Variants in IFTAP observed in about 807,000 individuals in gnomAD.
IFTAP encodes intraflagellar transport associated protein.
IFTAP carries 19 observed loss-of-function variants against 19.4 expected under a neutral mutation model. The ratio of observed to expected loss-of-function variants is 0.98; its 90% CI spans 0.68 to 1.44. IFTAP has a LOEUF of 1.44. Among genes scored for constraint, IFTAP ranks in the 40% most tolerant of loss-of-function variants. The pLI is 0.00. For missense variants in IFTAP, 240 were observed against 253.6 expected, an observed-to-expected ratio of 0.95 and a Z score of 0.36; for synonymous variants, 85 against 83.5, an observed-to-expected ratio of 1.02 and a Z score of -0.10.
At chr11:36,595,930 G>A (rs1446321825) in intron 1 of IFTAP, among the ~76,000 whole-genome samples, 1 of 152,226 alleles carries the variant, frequency 6.6e-6, no homozygotes, top group Non-Finnish European at 1.5e-5. Context: ...AAACATATAT[G>A]ATGAGGGTGC....
At chr11:36,644,704 A>G (rs1853399954) in intron 4 of IFTAP, among the ~76,000 whole-genome samples, 1 of 152,032 alleles carries the variant, frequency 6.6e-6, no homozygotes, top group East Asian at 1.9e-4. Flanking sequence ...TTGCAGGGAC[A>G]TGGATGAAGC....
At chr11:36,652,225 C>T (rs1037385406) in intron 5 of IFTAP, among the ~76,000 whole-genome samples, 2 of 152,102 alleles carry the variant, frequency 1.3e-5, no homozygotes, top group East Asian at 1.9e-4. Context: ...TCTTTTATTT[C>T]GTTGAGCAGT....
chr11:36,609,938 T>C (rs913051740), intron 1 of IFTAP, 143 bp from the exon 2 acceptor site: 4 of 656,294 alleles, frequency 6.1e-6, no homozygotes, highest in Non-Finnish European at 5.1e-6. Flanking sequence ...AACTCTGGTC[T>C]CTTGAACTAG....
intron 1 of IFTAP, among the ~76,000 whole-genome samples, chr11:36,603,641 G>C (rs1851585880): frequency 6.6e-6 from 1 of 152,112 alleles, no homozygotes; most frequent in Non-Finnish European, 1.5e-5. Flanking sequence ...GTAAATTACA[G>C]CCAGGCACAG....
intron 5 of IFTAP, among the ~76,000 whole-genome samples, chr11:36,656,434 G>A (rs1340745713): frequency 6.6e-6 from 1 of 152,104 alleles, no homozygotes; most frequent in Non-Finnish European, 1.5e-5. Context: ...GCCAGGCCTG[G>A]TGGTATGCAC....
chr11:36,635,828 G>T (rs745725509), intron 3 of IFTAP, among the ~76,000 whole-genome samples: 2 of 152,096 alleles, frequency 1.3e-5, no homozygotes, highest in East Asian at 3.8e-4. Flanking sequence ...CCTGACTATG[G>T]TGCCTACAAA....
intron 2 of IFTAP, among the ~76,000 whole-genome samples, chr11:36,624,680 C>T (rs12421531): frequency 0.095 from 14,394 of 152,160 alleles, 831 homozygotes; most frequent in African/African-American, 0.15. Flanking sequence ...TAGCTAATTA[C>T]AGAGAAGTGA....
chr11:36,622,551 A>G (rs1215352460), intron 2 of IFTAP, among the ~76,000 whole-genome samples: 1 of 152,108 alleles, frequency 6.6e-6, no homozygotes, highest in East Asian at 1.9e-4. Context: ...GTACTAGTCC[A>G]GGCATATACT....
chr11:36,607,769 G>A (rs1236978816), intron 1 of IFTAP, among the ~76,000 whole-genome samples: 2 of 152,124 alleles, frequency 1.3e-5, no homozygotes, highest in East Asian at 1.9e-4. Flanking sequence ...TGCCTCCCAG[G>A]TTCAAGCGAT....
rs140692292 is a variant in IFTAP at position 36,631,726 on chromosome 11, A to G, written c.137-1558A>G. 7.7e-3 allele frequency among the ~76,000 whole-genome samples: 1,155 copies of G among 150,740 alleles called. 84 individuals carry two copies. The highest frequency in any genetic ancestry group is 0.027 in the African/African-American group (1,096 of 40,092). On this transcript the variant is annotated intron_variant, in intron 2 of 5. Transcript: ENST00000334307. ...ATAGTAGAGGCTAGTAAGGGGATGG[A>G]GTAGGATTCTCCAACCCAACAATGG...
In IFTAP at chr11:36,639,244, C is replaced by G. The variant is rs545017588; in HGVS notation, c.358+3127C>G. ...CTCTTTTCTGGTCAAGTGCAAGTAG[C>G]TCAAGAGACTTTTTTTTTTTTTTAA... On this transcript the variant is annotated intron_variant, in intron 4 of 5. Coordinates refer to ENST00000334307, the MANE Select transcript of IFTAP (RefSeq NM_138787.4). Among the ~76,000 whole-genome samples, 4 of 149,096 alleles carry G rather than the reference C, an allele frequency of 2.7e-5. No homozygotes were observed. The South Asian group carries it at 8.5e-4, about 32-fold the overall frequency.
chr11:36,651,906 G>C lies in IFTAP; in HGVS notation c.498+3751G>C, dbSNP rs543110270. On this transcript the variant is annotated intron_variant, in intron 5 of 5. Transcript: ENST00000334307. The stretch of plus-strand genomic sequence containing the variant: ...CTGAGGGCTCTGTTCTGTTCCTTTG[G>C]TCTATATCTCTGGTTTGGTACCAGT... 1.5e-3 allele frequency among the ~76,000 whole-genome samples: 227 copies of C among 152,188 alleles called. 1 individual carries two copies. The highest frequency in any genetic ancestry group is 5.1e-3 in the African/African-American group (211 of 41,514).
chr11:36,646,701 C>T (rs1853499799), intron 4 of IFTAP, among the ~76,000 whole-genome samples: 1 of 152,152 alleles, frequency 6.6e-6, no homozygotes, highest in South Asian at 2.1e-4. Context: ...CTGTCCAGCT[C>T]TGCCGTTTTT....
intron 4 of IFTAP, among the ~76,000 whole-genome samples, chr11:36,643,796 T>A (rs1001447144): frequency 5.3e-5 from 8 of 152,208 alleles, no homozygotes; most frequent in Non-Finnish European, 7.3e-5. Context: ...GCTAGCCATA[T>A]GTGGAAAGCT....
intron 1 of IFTAP, among the ~76,000 whole-genome samples, 164 bp from the exon 2 acceptor site, chr11:36,609,917 G>T (rs1299779820): frequency 1.3e-5 from 2 of 152,158 alleles, no homozygotes; most frequent in South Asian, 2.1e-4. Context: ...CAGCAGCAAA[G>T]ATATGAATAA....
At chr11:36,649,548 C>T (rs1352547482) in intron 5 of IFTAP, among the ~76,000 whole-genome samples, 5 of 151,962 alleles carry the variant, frequency 3.3e-5, no homozygotes, top group Non-Finnish European at 7.4e-5. Context: ...TATTTCAGTA[C>T]AATTTGAGAA....
chr11:36,633,418 T>A lies in IFTAP; in HGVS notation c.271T>A (p.Ser91Thr). Residue 91 changes from serine (S) to threonine (T), a missense_variant, in exon 3 of 6, where the codon TCA becomes ACA. Physicochemically the swap from Ser to Thr is moderately conservative, Grantham distance 58. Coordinates refer to ENST00000334307, the MANE Select transcript of IFTAP (RefSeq NM_138787.4). ...TAAAACCATCTTTCTTCGTACTTCA[T>A]CACAATGTTTGGAAGAACAGGTAAT... The part of the protein sequence containing the change: ...RNKTIFLRTS[S>T]QCLEEQVDNF... The A allele has an allele frequency of 6.3e-7, 1 of 1,595,478 alleles. No individual in the cohort carries two copies. The highest frequency in any genetic ancestry group is 8.5e-7 in the Non-Finnish European group (1 of 1,171,950).
At chr11:36,626,527 C>T (rs1852520052) in intron 2 of IFTAP, among the ~76,000 whole-genome samples, 1 of 151,230 alleles carries the variant, frequency 6.6e-6, no homozygotes, top group Admixed American at 6.6e-5. Context: ...TTAATTGTTA[C>T]CCATCTTTTA....
Position 36,626,492 on chromosome 11 carries a change from C to T in IFTAP, c.137-6792C>T, listed in dbSNP as rs770889464. ...AGTGTAGAACTTCCTGGTTGAAGGG[C>T]TGAATATAAATCTACATTTCAATCT... is the stretch of plus-strand genomic sequence containing the variant. On this transcript the variant is annotated intron_variant, in intron 2 of 5. Transcript: ENST00000334307. Among the ~76,000 whole-genome samples the T allele has an allele frequency of 1.6e-4, 24 of 151,024 alleles. 1 individual carries two copies. The highest frequency in any genetic ancestry group is 2.8e-4 in the Non-Finnish European group (19 of 67,982).
Sources: gnomAD v4.1 joint callset for allele counts (sites outside exome capture counted in the v4.1 genomes callset) on GRCh38, gnomAD v4.1.1 for gene constraint, MANE v1.5 for transcripts, NCBI Gene and HGNC (gene_info 2026-07-23, HGNC 2026-07-21) for gene names.